BMP5: variants seen among roughly 807,000 people sequenced by gnomAD.
BMP5 encodes bone morphogenetic protein 5.
Under a neutral mutation model 46.6 loss-of-function variants are expected in BMP5, and 23 were observed. The observed-to-expected ratio is 0.49, with a 90% CI of 0.35 to 0.70. The LOEUF is 0.70. Among genes scored for constraint, BMP5 ranks in the 30% least tolerant of loss-of-function variants. BMP5 has a pLI of 0.00. For missense variants in BMP5, 545 were observed against 565.6 expected, an observed-to-expected ratio of 0.96 and a Z score of 0.37; for synonymous variants, 204 against 191.9, an observed-to-expected ratio of 1.06 and a Z score of -0.52.
intron 1 of BMP5, among the ~76,000 whole-genome samples, chr6:55,845,537 T>C (rs1777078576): frequency 6.6e-6 from 1 of 152,018 alleles, no homozygotes; most frequent in African/African-American, 2.4e-5. Flanking sequence ...ATGTTTCTTA[T>C]TTACCATGCA....
intron 1 of BMP5, among the ~76,000 whole-genome samples, chr6:55,858,177 T>A (rs1252573709): frequency 2.0e-5 from 3 of 152,244 alleles, no homozygotes; most frequent in African/African-American, 7.2e-5. Context: ...CAAATCTATT[T>A]GCTCACCTCA....
intron 2 of BMP5, among the ~76,000 whole-genome samples, chr6:55,803,069 C>A (rs1004141473): frequency 1.4e-5 from 2 of 146,792 alleles, no homozygotes; most frequent in Non-Finnish European, 3.0e-5. Context: ...GCAGATTACC[C>A]GAGGTCAGGA....
At chr6:55,869,116 T>C (rs1777719033) in intron 1 of BMP5, among the ~76,000 whole-genome samples, 1 of 152,198 alleles carries the variant, frequency 6.6e-6, no homozygotes, top group Non-Finnish European at 1.5e-5. Flanking sequence ...AGCTACTACA[T>C]TATTTATGAC....
intron 4 of BMP5, among the ~76,000 whole-genome samples, chr6:55,764,117 T>C (rs888627352): frequency 1.3e-5 from 2 of 152,156 alleles, no homozygotes; most frequent in Non-Finnish European, 2.9e-5. Context: ...ACTGGGTATA[T>C]ATCCAAAACA....
intron 6 of BMP5, among the ~76,000 whole-genome samples, chr6:55,757,059 ATACAGAGCAGAC>A (rs1311398676): frequency 5.3e-5 from 8 of 151,946 alleles, no homozygotes; most frequent in Non-Finnish European, 8.8e-5. Flanking sequence ...CAGGGTAGAG[ATACAGAGCAGAC>A]TCTTGTTCAA....
intron 2 of BMP5, among the ~76,000 whole-genome samples, chr6:55,795,480 T>C (rs1463060947): frequency 6.6e-6 from 1 of 152,102 alleles, no homozygotes; most frequent in East Asian, 1.9e-4. Context: ...CATACTGTGT[T>C]AAATACTATT....
rs1031188552 is a variant in BMP5, at chr6:55,844,951, A to C, written c.491-25104T>G. Among the ~76,000 whole-genome samples, 37 of 152,180 alleles carry C rather than the reference A, an allele frequency of 2.4e-4. 1 individual carries two copies. In the Middle Eastern group the frequency reaches 0.014, roughly 58 times the overall value. On this transcript the variant is annotated intron_variant, in intron 1 of 6. Transcript: ENST00000370830. Reference sequence around the variant, plus strand: ...TCATTTTAAGTTCATTTCAAAAACAAAAAGACAACTTGTTTATATCATATA... The same window carrying C: ...TCATTTTAAGTTCATTTCAAAAACACAAAGACAACTTGTTTATATCATATA...
intron 6 of BMP5, among the ~76,000 whole-genome samples, chr6:55,756,362 G>T (rs1173290661): frequency 3.3e-5 from 5 of 151,764 alleles, no homozygotes; most frequent in Non-Finnish European, 5.9e-5. Context: ...GAAGCAAAGG[G>T]CCTAGAGACT....
intron 1 of BMP5, among the ~76,000 whole-genome samples, chr6:55,864,444 C>T (rs1777593496): frequency 6.6e-6 from 1 of 152,150 alleles, no homozygotes; most frequent in Non-Finnish European, 1.5e-5. Context: ...TAAGTCCAGT[C>T]TCTCTTGTGT....
intron 2 of BMP5, among the ~76,000 whole-genome samples, chr6:55,795,427 A>C (rs913257259): frequency 6.6e-5 from 10 of 152,088 alleles, no homozygotes; most frequent in Admixed American, 6.5e-4. Context: ...AAAACAATAG[A>C]GCTATTCATT....
Position 55,774,163 on chromosome 6 carries a change from A to G in BMP5, c.913T>C (p.Phe305Leu), listed in dbSNP as rs367881870. ...QSKQPFMVAF[F>L]KASEVLLRSV... Reference sequence around the variant, plus strand: ...CGAAGAAGTACCTCACTCGCCTTGAAGAAGGCCACCATGAATGGTTGTTTT... The same window carrying G: ...CGAAGAAGTACCTCACTCGCCTTGAGGAAGGCCACCATGAATGGTTGTTTT... Residue 305 changes from phenylalanine (F) to leucine (L), a missense_variant, in exon 4 of 7, where the codon TTC (phenylalanine) becomes CTC (leucine). By Grantham distance (22) the Phe-to-Leu change is conservative. Coordinates refer to ENST00000370830, the MANE Select transcript of BMP5 (RefSeq NM_021073.4). The G allele has an allele frequency of 4.7e-5, 76 of 1,613,096 alleles. No individual in the cohort carries two copies. The Middle Eastern group carries it at 6.6e-4, about 14-fold the overall frequency.
chr6:55,826,083 A>G (rs183900336), intron 1 of BMP5, among the ~76,000 whole-genome samples: 1 of 151,978 alleles, frequency 6.6e-6, no homozygotes, highest in Admixed American at 6.6e-5. Flanking sequence ...ACATAAACCT[A>G]GTTCTATAAA....
intron 1 of BMP5, among the ~76,000 whole-genome samples, chr6:55,865,691 C>T (rs1386420035): frequency 2.6e-5 from 4 of 152,176 alleles, no homozygotes; most frequent in African/African-American, 4.8e-5. Context: ...ATGTAGATTT[C>T]CTCTAACATT....
intron 3 of BMP5, among the ~76,000 whole-genome samples, chr6:55,788,728 G>A (rs1582065674): frequency 6.6e-6 from 1 of 151,744 alleles, no homozygotes; most frequent in South Asian, 2.1e-4. Context: ...CAATGCAATG[G>A]CTAGAATGGT....
intron 3 of BMP5, among the ~76,000 whole-genome samples, chr6:55,782,330 A>G (rs1361048242): frequency 2.0e-5 from 3 of 152,182 alleles, no homozygotes; most frequent in Non-Finnish European, 4.4e-5. Context: ...TTCTTCACAT[A>G]TGAAGGCTGA....
chr6:55,760,023 G>A (rs1262293978), intron 5 of BMP5, among the ~76,000 whole-genome samples: 8 of 151,690 alleles, frequency 5.3e-5, no homozygotes, highest in Non-Finnish European at 1.2e-4. Flanking sequence ...CTACCCAAAA[G>A]ATAGCAATAC....
rs778271314 is a variant in BMP5 at position 55,794,366 on chromosome 6, C to A, written c.745G>T (p.Val249Phe). ...KAQALDVGWL[V>F]FDITVTSNHW... ...TTGCTGGTCACAGTGATATCAAAGA[C>A]AAGCCAACCCACATCTAAAGCTTGG... is the stretch of plus-strand genomic sequence containing the variant. The change falls in exon 3 of 7, where the codon GTC becomes TTC. Residue 249 changes from valine (V) to phenylalanine (F), a missense_variant. Physicochemically the swap from Val to Phe is conservative, Grantham distance 50. Transcript: ENST00000370830. The A allele has an allele frequency of 1.1e-5, 18 of 1,613,968 alleles. No homozygotes were observed. Among genetic ancestry groups the A allele is most frequent in the Non-Finnish European group, 1.5e-5 (18 of 1,179,898 alleles).
intron 2 of BMP5, among the ~76,000 whole-genome samples, chr6:55,805,081 G>T (rs185563446): frequency 6.6e-6 from 1 of 152,208 alleles, no homozygotes; most frequent in East Asian, 1.9e-4. Flanking sequence ...CACTGGATGG[G>T]ATGCCCATTC....
rs534697394 is a variant in BMP5 at position 55,829,054 on chromosome 6, T to A, written c.491-9207A>T. Among the ~76,000 whole-genome samples, 11 of 151,908 alleles carry A rather than the reference T, an allele frequency of 7.2e-5. No homozygotes were observed. The South Asian group carries it at 2.1e-3, about 29-fold the overall frequency. ...AATAGAGACACATTAGTTTTACAGG[T>A]TTCTAAGATTAGGAATAAAACTATA... On this transcript the variant is annotated intron_variant, in intron 1 of 6. Transcript: ENST00000370830.
Sources: allele counts gnomAD v4.1 joint callset (sites outside exome capture counted in the v4.1 genomes callset), GRCh38; gene constraint gnomAD v4.1.1; transcripts MANE v1.5; gene names NCBI Gene and HGNC (gene_info 2026-07-23, HGNC 2026-07-21).